Variants in VAT1L observed in about 807,000 individuals in gnomAD.
The protein encoded by VAT1L is putative NADPH-dependent quinone oxidoreductase VAT1L.
VAT1L carries 34 observed loss-of-function variants against 44.1 expected under a neutral mutation model. The ratio of observed to expected loss-of-function variants is 0.77; its 90% CI spans 0.59 to 1.03. VAT1L has a LOEUF of 1.03. Ranked by LOEUF, VAT1L falls within the 50% of genes least tolerant of loss-of-function variation. The probability of loss-of-function intolerance (pLI) is 0.00; values close to 1 mark genes in which losing one functional copy is unlikely to be tolerated. For synonymous variants in VAT1L, 253 were observed against 202.2 expected (o/e 1.25, Z -2.13); for missense variants, 615 against 538.8 (o/e 1.14, Z -1.40).
At chr16:77,951,481 G>T (rs1220130812) in intron 7 of VAT1L, among the ~76,000 whole-genome samples, 1 of 152,204 alleles carries the variant, frequency 6.6e-6, no homozygotes, top group African/African-American at 2.4e-5. Context: ...AAGAAGTGGG[G>T]GTTGCAGTGA....
At chr16:77,971,010 CT>C (rs11312977) in intron 7 of VAT1L, among the ~76,000 whole-genome samples, 133,474 of 150,038 alleles carry the variant, frequency 0.89, 59,548 homozygotes, top group East Asian at 1. Context: ...TCTATTAAAA[CT>C]TTTTTTTTTT....
intron 1 of VAT1L, among the ~76,000 whole-genome samples, chr16:77,797,343 T>G (rs2015955874): frequency 6.6e-6 from 1 of 152,142 alleles, no homozygotes; most frequent in Non-Finnish European, 1.5e-5. Flanking sequence ...ACTCCTGACC[T>G]CAGGTGATCC....
rs1409996270 is a variant in VAT1L, at chr16:77,876,396, T to A, written c.749T>A (p.Val250Asp). ...KRISAEGVDI[V>D]LDCLCGDNTG... ...ATCTCTGCTGAAGGTGTGGACATCG[T>A]TTTGGATTGCCTCTGTGGGGACAAC... is the stretch of plus-strand genomic sequence containing the variant. Residue 250 changes from valine (V) to aspartate (D), a missense_variant, in exon 5 of 9, where the codon GTT becomes GAT. By Grantham distance (152) the Val-to-Asp change is radical. Coordinates refer to ENST00000302536, the MANE Select transcript of VAT1L (RefSeq NM_020927.3). 6.2e-7 allele frequency: 1 copy of A among 1,614,016 alleles called. No individual in the cohort carries two copies. The highest frequency in any genetic ancestry group is 1.3e-5 in the African/African-American group (1 of 74,892).
At chr16:77,819,609 C>G (rs2016414994) in intron 2 of VAT1L, among the ~76,000 whole-genome samples, 1 of 152,180 alleles carries the variant, frequency 6.6e-6, no homozygotes, top group African/African-American at 2.4e-5. Context: ...TCTCGAACTC[C>G]TGACCTCAGG....
chr16:77,917,882 C>T (rs988834332), intron 7 of VAT1L, among the ~76,000 whole-genome samples: 2 of 152,224 alleles, frequency 1.3e-5, no homozygotes, highest in South Asian at 4.2e-4. Context: ...TTAGGGGAGC[C>T]CCAGAGATGG....
chr16:77,953,793 G>A (rs1199294721), intron 7 of VAT1L, among the ~76,000 whole-genome samples: 2 of 152,080 alleles, frequency 1.3e-5, no homozygotes, highest in South Asian at 2.1e-4. Flanking sequence ...ATCTTGCCCA[G>A]CCTGATTTGC....
chr16:77,932,039 G>A (rs1259388771), intron 7 of VAT1L, among the ~76,000 whole-genome samples: 1 of 150,690 alleles, frequency 6.6e-6, no homozygotes, highest in Non-Finnish European at 1.5e-5. Flanking sequence ...TCATGGGAAT[G>A]TTTGGATTCT....
At chr16:77,953,760 T>G (rs1332223465) in intron 7 of VAT1L, among the ~76,000 whole-genome samples, 1 of 151,970 alleles carries the variant, frequency 6.6e-6, no homozygotes. Flanking sequence ...CCTCCCAAAG[T>G]GTTGAGATTA....
At chr16:77,874,951 G>A (rs1488774823) in intron 4 of VAT1L, among the ~76,000 whole-genome samples, 8 of 151,454 alleles carry the variant, frequency 5.3e-5, no homozygotes, top group South Asian at 4.2e-4. Context: ...ACCTGGAAAC[G>A]TTAGAAATGC....
intron 7 of VAT1L, among the ~76,000 whole-genome samples, chr16:77,967,042 A>G (rs2018230612): frequency 6.6e-6 from 1 of 151,480 alleles, no homozygotes; most frequent in Non-Finnish European, 1.5e-5. Context: ...CATCACCACT[A>G]TCTTCTGGGC....
rs2018366776 is a variant in VAT1L at position 77,978,666 on chromosome 16, C to T, written c.*971C>T. 1 of 152,150 alleles carries T rather than the reference C, an allele frequency of 6.6e-6. No individual in the cohort carries two copies. The highest frequency in any genetic ancestry group is 1.5e-5 in the Non-Finnish European group (1 of 68,014). The allele number at this position is 152,150 out of a possible 1,614,324, so 9.4% of individuals were successfully genotyped here. ...ATCTCCTTCCTTGCCAAAGCATGTCCCAACATGTAACAAACTCTAGGGATA... is the reference window on the plus strand; with the variant it reads ...ATCTCCTTCCTTGCCAAAGCATGTCTCAACATGTAACAAACTCTAGGGATA... On this transcript the variant is annotated 3_prime_UTR_variant, in exon 9 of 9. Coordinates refer to ENST00000302536, the MANE Select transcript of VAT1L (RefSeq NM_020927.3).
intron 1 of VAT1L, among the ~76,000 whole-genome samples, chr16:77,814,398 A>AACAGGGTGCT (rs1419299629): frequency 6.6e-6 from 1 of 152,204 alleles, no homozygotes; most frequent in Non-Finnish European, 1.5e-5. Flanking sequence ...TCACTGAGGA[A>AACAGGGTGCT]ACAGGGTGCT....
rs560101208 is a variant in VAT1L at position 77,906,782 on chromosome 16, G to A, written c.1077+21980G>A. 7.9e-5 allele frequency among the ~76,000 whole-genome samples: 12 copies of A among 152,316 alleles called. No individual in the cohort carries two copies. The South Asian group carries it at 2.5e-3, about 32-fold the overall frequency. Reference sequence around the variant, plus strand: ...GTGGGCTGCCCTCTCTCACATCAGAGCTACCTCTGGGTGAAGCAGAGCTAA... The same window carrying A: ...GTGGGCTGCCCTCTCTCACATCAGAACTACCTCTGGGTGAAGCAGAGCTAA... On this transcript the variant is annotated intron_variant, in intron 7 of 8. Transcript: ENST00000302536.
intron 1 of VAT1L, among the ~76,000 whole-genome samples, chr16:77,796,636 C>T (rs137924392): frequency 6.6e-5 from 10 of 152,184 alleles, no homozygotes; most frequent in African/African-American, 1.9e-4. Context: ...GCAGTCTTGA[C>T]GGTGCCTTGC....
At chr16:77,839,722 G>A (rs990733454) in intron 3 of VAT1L, among the ~76,000 whole-genome samples, 5 of 151,956 alleles carry the variant, frequency 3.3e-5, no homozygotes, top group African/African-American at 1.2e-4. Flanking sequence ...GGGCCCTCCA[G>A]GAGACTCTAA....
intron 7 of VAT1L, among the ~76,000 whole-genome samples, chr16:77,901,800 T>C (rs2017386625): frequency 6.6e-6 from 1 of 152,126 alleles, no homozygotes; most frequent in Admixed American, 6.5e-5. Context: ...TAACCTGAAA[T>C]AATCTAACCA....
At chr16:77,864,667 G>A (rs577922791) in intron 4 of VAT1L, among the ~76,000 whole-genome samples, 72 of 152,324 alleles carry the variant, frequency 4.7e-4, no homozygotes, top group African/African-American at 1.7e-3. Context: ...AGGACAAGTG[G>A]ATGGGAGAGC....
At chr16:77,841,630 C>G (rs2016707023) in intron 3 of VAT1L, among the ~76,000 whole-genome samples, 1 of 152,120 alleles carries the variant, frequency 6.6e-6, no homozygotes, top group Non-Finnish European at 1.5e-5. Context: ...CACCCTGTCT[C>G]CTGGAAACTG....
intron 8 of VAT1L, 142 bp from the exon 9 acceptor site, chr16:77,977,455 C>A (rs1458666990): frequency 2.7e-6 from 2 of 738,512 alleles, no homozygotes; most frequent in East Asian, 2.7e-5. Context: ...CATATGACAG[C>A]TAATCCTGCA....
Sources: gnomAD v4.1 joint callset for allele counts (sites outside exome capture counted in the v4.1 genomes callset) on GRCh38, gnomAD v4.1.1 for gene constraint, MANE v1.5 for transcripts, NCBI Gene and HGNC (gene_info 2026-07-23, HGNC 2026-07-21) for gene names.